The following CPB1 variants were observed in gnomAD, a reference collection of about 807,000 sequenced individuals.
The protein encoded by CPB1 is carboxypeptidase B1, also known as carboxypeptidase B.
Under a neutral mutation model 51.4 loss-of-function variants are expected in CPB1, and 53 were observed. That is an observed-to-expected ratio of 1.03 (90% CI 0.83 to 1.30). The LOEUF (loss-of-function observed/expected upper bound fraction) is 1.30. Ranked by LOEUF, CPB1 falls within the 50% of genes most tolerant of loss-of-function variation. The pLI is 0.00. For synonymous variants in CPB1, 189 were observed against 186.9 expected (o/e 1.01, Z -0.09); for missense variants, 494 against 516.2 (o/e 0.96, Z 0.42).
chr3:148,828,884 C>T (rs1222017445), intron 2 of CPB1, among the ~76,000 whole-genome samples: 1 of 152,156 alleles, frequency 6.6e-6, no homozygotes, highest in Non-Finnish European at 1.5e-5. Flanking sequence ...GTGTCATAAT[C>T]ACAGGCTCAG....
chr3:148,835,665 G>GTGA (rs1712883724), intron 3 of CPB1, among the ~76,000 whole-genome samples: 1 of 152,178 alleles, frequency 6.6e-6, no homozygotes, highest in African/African-American at 2.4e-5. Context: ...GTAGATTAGG[G>GTGA]AGGAACAAAG....
intron 6 of CPB1, among the ~76,000 whole-genome samples, chr3:148,842,839 A>C (rs1381880946): frequency 1.3e-5 from 2 of 152,224 alleles, no homozygotes. Flanking sequence ...CACCAATAAT[A>C]AATAAGACAT....
chr3:148,835,200 G>A (rs753256936), intron 3 of CPB1, among the ~76,000 whole-genome samples: 17 of 152,106 alleles, frequency 1.1e-4, no homozygotes, highest in South Asian at 6.2e-4. Context: ...TACCACTTTC[G>A]TTCATCTAGG....
chr3:148,859,976 A>G lies in CPB1; in HGVS notation c.1228A>G (p.Ser410Gly). The G allele has an allele frequency of 1.9e-6, 3 of 1,614,150 alleles. No individual in the cohort carries two copies. The highest frequency in any genetic ancestry group is 2.5e-6 in the Non-Finnish European group (3 of 1,179,982). Reference sequence around the variant, plus strand: ...CTTCCTGGCAATCAAGTATGTTGCCAGCTACGTCCTGGAACACCTGTACTA... The same window carrying G: ...CTTCCTGGCAATCAAGTATGTTGCCGGCTACGTCCTGGAACACCTGTACTA... ...ETFLAIKYVA[S>G]YVLEHLY The change falls in exon 11 of 11, where the codon AGC becomes GGC. Residue 410 changes from serine (S) to glycine (G), a missense_variant. Coordinates refer to ENST00000282957, the MANE Select transcript of CPB1 (RefSeq NM_001871.3).
chr3:148,858,287 T>G (rs1056397438), intron 10 of CPB1, among the ~76,000 whole-genome samples: 4 of 152,070 alleles, frequency 2.6e-5, no homozygotes, highest in Admixed American at 6.5e-5. Context: ...GACAGAGTGT[T>G]TTCAGCCGGG....
chr3:148,838,258 A>G (rs1712965790), intron 3 of CPB1: 1 of 152,150 alleles, frequency 6.6e-6, no homozygotes, highest in Non-Finnish European at 1.5e-5. Flanking sequence ...AAAAATAAAC[A>G]AATTAACAAA....
rs1223556507 is a variant in CPB1 at position 148,846,781 on chromosome 3, A to ATGTG, written c.981+1162_981+1165dup. Among the ~76,000 whole-genome samples, 193 of 58,308 alleles carry ATGTG rather than the reference A, an allele frequency of 3.3e-3. 7 individuals carry two copies. Among genetic ancestry groups the ATGTG allele is most frequent in the Middle Eastern group, 8.9e-3 (1 of 112 alleles). 38.3% of individuals were successfully genotyped at this position (58,308 alleles called of 152,430 possible). On this transcript the variant is annotated intron_variant, in intron 9 of 10. Transcript: ENST00000282957. ...CATATATATATATATACACATATAT[A>ATGTG]TGTGTGTGTGCGTGTGTATATATAT...
rs200398876 is a variant in CPB1, at chr3:148,859,955, C to G, written c.1207C>G (p.Leu403Val). ...QIRATCEETF[L>V]AIKYVASYVL... ...CCGGGCTACCTGCGAGGAGACCTTC[C>G]TGGCAATCAAGTATGTTGCCAGCTA... is the stretch of plus-strand genomic sequence containing the variant. Residue 403 changes from leucine to valine, a missense_variant, in exon 11 of 11, where the codon CTG (leucine) becomes GTG (valine). Transcript: ENST00000282957. The G allele has an allele frequency of 8.2e-4, 1,321 of 1,614,062 alleles. 4 individuals carry two copies. Among genetic ancestry groups the G allele is most frequent in the Non-Finnish European group, 1.0e-3 (1,182 of 1,180,024 alleles).
At chr3:148,858,875 A>G (rs985748005) in intron 10 of CPB1, among the ~76,000 whole-genome samples, 4 of 152,204 alleles carry the variant, frequency 2.6e-5, no homozygotes, top group Admixed American at 6.5e-5. Flanking sequence ...ACACATGACA[A>G]AAGACCCAGT....
In CPB1 at chr3:148,828,070, C is replaced by T. The variant is rs146537927; in HGVS notation, c.140C>T (p.Thr47Met). 3.1e-4 allele frequency: 493 copies of T among 1,613,310 alleles called. 4 individuals carry two copies. In the South Asian group the frequency reaches 4.4e-3, roughly 14 times the overall value. ...AACATAATCCGCGAGTTGGCCAGCA[C>T]GACCCAGGTAAGTAACAATTTTGAT... is the stretch of plus-strand genomic sequence containing the variant. ...HINIIRELAS[T>M]TQIDFWKPDS... The change falls in exon 2 of 11, where the codon ACG (threonine) becomes ATG (methionine). Residue 47 changes from threonine (T) to methionine (M), a missense_variant. Physicochemically the swap from Thr to Met is moderately conservative, Grantham distance 81 (BLOSUM62 -1). Transcript: ENST00000282957.
intron 2 of CPB1, among the ~76,000 whole-genome samples, chr3:148,831,007 C>T (rs1028974711): frequency 6.6e-6 from 1 of 152,196 alleles, no homozygotes; most frequent in African/African-American, 2.4e-5. Flanking sequence ...TGTATTCATC[C>T]TTGGCCATGT....
At chr3:148,847,437 TG>T (rs1713290847) in intron 9 of CPB1, among the ~76,000 whole-genome samples, 2 of 151,368 alleles carry the variant, frequency 1.3e-5, no homozygotes, top group African/African-American at 2.4e-5. Flanking sequence ...GAATAATTTT[TG>T]CTACTTCCTA....
chr3:148,841,998 G>A, intron 6 of CPB1, 74 bp downstream of exon 6: 1 of 1,149,654 alleles, frequency 8.7e-7, no homozygotes, highest in Middle Eastern at 2.0e-4. Flanking sequence ...AAAACCTAGA[G>A]AGAATAATAA....
At chr3:148,831,369 T>C (rs1239241043) in intron 2 of CPB1, among the ~76,000 whole-genome samples, 1 of 152,174 alleles carries the variant, frequency 6.6e-6, no homozygotes, top group East Asian at 1.9e-4. Flanking sequence ...GTAGAAGTTG[T>C]TTTCTTTTCC....
intron 2 of CPB1, among the ~76,000 whole-genome samples, chr3:148,833,860 A>G (rs898275494): frequency 1.3e-5 from 2 of 152,172 alleles, no homozygotes; most frequent in African/African-American, 2.4e-5. Context: ...AGCCTAGCAT[A>G]TCGTAGGTTC....
At position 148,844,506 on chromosome 3, in the gene CPB1, A is replaced by T; in HGVS notation, c.605A>T (p.Gln202Leu). The change falls in exon 7 of 11, where the codon CAA (glutamine) becomes CTA (leucine). Residue 202 changes from glutamine (Q) to leucine (L), a missense_variant. Transcript: ENST00000282957. ...EAVRTYGREI[Q>L]VTELLDKLDF... ...GTTCGTACCTATGGACGTGAGATCC[A>T]AGTGACAGAGCTTCTCGACAAGTTA... 1 of 1,613,894 alleles carries T rather than the reference A, an allele frequency of 6.2e-7. No individual in the cohort carries two copies. Among genetic ancestry groups the T allele is most frequent in the South Asian group, 1.1e-5 (1 of 91,076 alleles).
chr3:148,857,493 T>G lies in CPB1; in HGVS notation c.1018T>G (p.Ser340Ala). 1 of 1,613,990 alleles carries G rather than the reference T, an allele frequency of 6.2e-7. No homozygotes were observed. Among genetic ancestry groups the G allele is most frequent in the Non-Finnish European group, 8.5e-7 (1 of 1,179,932 alleles). The part of the protein sequence containing the change: ...LAKATVKELA[S>A]LHGTKYTYGP... ...TAAAGCTACTGTGAAAGAACTTGCC[T>G]CACTGCACGGCACCAAGTACACATA... The change falls in exon 10 of 11, where the codon TCA becomes GCA. Residue 340 changes from serine (S) to alanine (A), a missense_variant. Coordinates refer to ENST00000282957, the MANE Select transcript of CPB1 (RefSeq NM_001871.3).
Position 148,859,840 on chromosome 3 carries a change from C to T in CPB1, c.1092C>T (p.Asp364=), listed in dbSNP as rs754387731. The T allele has an allele frequency of 5.6e-6, 9 of 1,613,756 alleles. No homozygotes were observed. Among genetic ancestry groups the T allele is most frequent in the Non-Finnish European group, 5.9e-6 (7 of 1,179,768 alleles). The stretch of plus-strand genomic sequence containing the variant: ...ATCCTGCTGCTGGGGGCTCTGACGA[C>T]TGGGCTTATGACCAAGGAATCAGAT... ...TIYPAAGGSD[D]WAYDQGIRYS... Residue 364 remains aspartate, a synonymous_variant, in exon 11 of 11, where the codon GAC becomes GAT. Transcript: ENST00000282957.
chr3:148,833,758 T>A (rs1240456568), intron 2 of CPB1, among the ~76,000 whole-genome samples: 1 of 151,658 alleles, frequency 6.6e-6, no homozygotes, highest in African/African-American at 2.4e-5. Context: ...AAAAAACAGC[T>A]ATTTGGGGCT....
Sources: gnomAD v4.1 joint callset for allele counts (sites outside exome capture counted in the v4.1 genomes callset) on GRCh38, gnomAD v4.1.1 for gene constraint, MANE v1.5 for transcripts, NCBI Gene and HGNC (gene_info 2026-07-23, HGNC 2026-07-21) for gene names.